Variants in KCNG2 observed in about 807,000 individuals in gnomAD.
The protein encoded by KCNG2 is voltage-gated potassium channel regulatory subunit KCNG2.
Under a neutral mutation model 12.3 loss-of-function variants are expected in KCNG2, and 7 were observed. The observed-to-expected ratio is 0.57, with a 90% CI of 0.32 to 1.07. KCNG2 has a LOEUF of 1.07. KCNG2 is among the 50% of genes least tolerant of loss of function. The pLI is 0.04. For missense variants in KCNG2, 703 were observed against 726.0 expected, an observed-to-expected ratio of 0.97 and a Z score of 0.36; for synonymous variants, 414 against 351.4, an observed-to-expected ratio of 1.18 and a Z score of -1.99.
chr18:79,802,998 G>A (rs2087422917), intron 1 of KCNG2, among the ~76,000 whole-genome samples: 2 of 152,292 alleles, frequency 1.3e-5, no homozygotes, highest in African/African-American at 4.8e-5. Flanking sequence ...GGTCAACATG[G>A]TGAAACCTCA....
At position 79,853,444 on chromosome 18, in the gene KCNG2, G is replaced by A. The variant is rs550940354; in HGVS notation, c.-114-2935G>A. On this transcript the variant is annotated intron_variant, in intron 1 of 3. Transcript: ENST00000316249. Reference sequence around the variant, plus strand: ...GAATGGCTGTGCTGAGGCCTGAGGCGGGACTCGCCTGGGTGCCGAGGGGAG... The same window carrying A: ...GAATGGCTGTGCTGAGGCCTGAGGCAGGACTCGCCTGGGTGCCGAGGGGAG... Among the ~76,000 whole-genome samples, 603 of 152,228 alleles carry A rather than the reference G, an allele frequency of 4.0e-3. 2 individuals carry two copies. The highest frequency in any genetic ancestry group is 6.3e-3 in the Non-Finnish European group (426 of 68,002).
chr18:79,830,195 G>A (rs775000004), intron 1 of KCNG2, among the ~76,000 whole-genome samples: 2 of 152,180 alleles, frequency 1.3e-5, no homozygotes, highest in African/African-American at 2.4e-5. Flanking sequence ...AAGACGAATC[G>A]TGTCCATCTG....
At chr18:79,860,145 A>C (rs1025826461) in intron 2 of KCNG2, among the ~76,000 whole-genome samples, 1 of 152,222 alleles carries the variant, frequency 6.6e-6, no homozygotes, top group African/African-American at 2.4e-5. Context: ...TTAAACGAAC[A>C]GATCTCATTT....
At chr18:79,883,424 T>C (rs1980397208) in intron 3 of KCNG2, among the ~76,000 whole-genome samples, 1 of 152,234 alleles carries the variant, frequency 6.6e-6, no homozygotes, top group African/African-American at 2.4e-5. Context: ...TTGGGCTCAT[T>C]TCTGACGTTC....
At chr18:79,856,146 A>G (rs1340566084) in intron 1 of KCNG2, among the ~76,000 whole-genome samples, 2 of 152,238 alleles carry the variant, frequency 1.3e-5, no homozygotes, top group African/African-American at 4.8e-5. Context: ...TTTTACAGCA[A>G]AAGTTCCAGG....
chr18:79,877,459 G>C (rs1039608939), intron 3 of KCNG2, among the ~76,000 whole-genome samples: 3 of 152,148 alleles, frequency 2.0e-5, no homozygotes, highest in African/African-American at 7.2e-5. Context: ...ACACTAAATA[G>C]ACCTCAGACC....
chr18:79,877,234 C>A (rs1365322533), intron 3 of KCNG2, among the ~76,000 whole-genome samples: 1 of 152,158 alleles, frequency 6.6e-6, no homozygotes, highest in Non-Finnish European at 1.5e-5. Flanking sequence ...TAATTATTTT[C>A]TTTCAGGTAC....
chr18:79,828,481 A>T (rs967752534), intron 1 of KCNG2, among the ~76,000 whole-genome samples: 1 of 145,254 alleles, frequency 6.9e-6, no homozygotes. Flanking sequence ...GTGTGCATGA[A>T]TGTGTGCATA....
chr18:79,883,923 C>G (rs962678821), intron 3 of KCNG2, among the ~76,000 whole-genome samples: 1 of 152,196 alleles, frequency 6.6e-6, no homozygotes, highest in Non-Finnish European at 1.5e-5. Flanking sequence ...CCCACCGGCA[C>G]GTCCACGAGG....
At chr18:79,848,401 C>T (rs1444094441) in intron 1 of KCNG2, among the ~76,000 whole-genome samples, 1 of 152,182 alleles carries the variant, frequency 6.6e-6, no homozygotes, top group Non-Finnish European at 1.5e-5. Flanking sequence ...GAGGGGCCTG[C>T]GTTGCCGCTC....
intron 3 of KCNG2, among the ~76,000 whole-genome samples, chr18:79,890,136 T>C (rs1206165636): frequency 6.6e-6 from 1 of 152,180 alleles, no homozygotes; most frequent in Non-Finnish European, 1.5e-5. Flanking sequence ...TTTTCTTGAA[T>C]CTTTTAACAT....
At chr18:79,871,409 C>T (rs1231668582) in intron 3 of KCNG2, among the ~76,000 whole-genome samples, 5 of 152,206 alleles carry the variant, frequency 3.3e-5, no homozygotes, top group Non-Finnish European at 7.4e-5. Context: ...ACCTGAGCAC[C>T]AGCTGGCAGG....
Position 79,899,543 on chromosome 18 carries a change from C to T in KCNG2, c.1128C>T (p.Val376=), listed in dbSNP as rs745818640. The part of the protein sequence containing the change: ...SMTTVGYGDM[V]PRSLPGQVVA... ...CCACCGTGGGCTACGGCGACATGGT[C>T]CCGCGCAGCCTGCCCGGGCAGGTGG... Residue 376 remains valine (V), a synonymous_variant, in exon 4 of 4, where the codon GTC becomes GTT. Transcript: ENST00000316249. The T allele has an allele frequency of 6.2e-7, 1 of 1,604,518 alleles. No individual in the cohort carries two copies. The highest frequency in any genetic ancestry group is 1.7e-5 in the Admixed American group (1 of 59,150).
At chr18:79,827,472 G>C (rs1396307169) in intron 1 of KCNG2, among the ~76,000 whole-genome samples, 1 of 152,214 alleles carries the variant, frequency 6.6e-6, no homozygotes, top group Non-Finnish European at 1.5e-5. Flanking sequence ...CCTGGGGACT[G>C]GTAGTTTAGC....
chr18:79,899,444 C>A lies in KCNG2; in HGVS notation c.1029C>A (p.Ala343=). 2.5e-6 allele frequency: 4 copies of A among 1,596,606 alleles called. No individual in the cohort carries two copies. The highest frequency in any genetic ancestry group is 3.4e-6 in the Non-Finnish European group (4 of 1,173,960). Residue 343 remains alanine (A), a synonymous_variant, in exon 4 of 4, where the codon GCC becomes GCA. Coordinates refer to ENST00000316249, the MANE Select transcript of KCNG2 (RefSeq NM_012283.2). ...TCTTCGCGCCACTGGTGCACCTGGCCGAGCGCGAGCTGGGCGCGCGCCGCG... is the reference window on the plus strand; with the variant it reads ...TCTTCGCGCCACTGGTGCACCTGGCAGAGCGCGAGCTGGGCGCGCGCCGCG... ...MALFAPLVHL[A]ERELGARRDF...
intron 1 of KCNG2, among the ~76,000 whole-genome samples, chr18:79,835,610 G>A (rs1978319547): frequency 6.6e-6 from 1 of 152,206 alleles, no homozygotes; most frequent in South Asian, 2.1e-4. Context: ...AGGTAGAATG[G>A]TAGAGGGGAA....
chr18:79,880,307 A>C (rs1253834472), intron 3 of KCNG2, among the ~76,000 whole-genome samples: 2 of 117,924 alleles, frequency 1.7e-5, no homozygotes, highest in Admixed American at 1.0e-4. Flanking sequence ...ACAGAGTGAG[A>C]CTCTGTCTCA....
At chr18:79,807,344 G>C (rs545405162) in intron 1 of KCNG2, among the ~76,000 whole-genome samples, 1 of 152,166 alleles carries the variant, frequency 6.6e-6, no homozygotes, top group South Asian at 2.1e-4. Flanking sequence ...TCACCTTGCC[G>C]ACGCTCTCTG....
rs555887305 is a variant in KCNG2 at position 79,856,709 on chromosome 18, A to G, written c.-41+257A>G. 3.9e-5 allele frequency among the ~76,000 whole-genome samples: 6 copies of G among 152,180 alleles called. No homozygotes were observed. In the East Asian group the frequency reaches 1.2e-3, roughly 29 times the overall value. The stretch of plus-strand genomic sequence containing the variant: ...CTCACGGGGCCGTCTGCCACGCCAC[A>G]AAGGGCTCCAGCAGCTGGGTTTGCA... On this transcript the variant is annotated intron_variant, in intron 2 of 3. Coordinates refer to ENST00000316249, the MANE Select transcript of KCNG2 (RefSeq NM_012283.2).
Sources: gnomAD v4.1 joint callset for allele counts (sites outside exome capture counted in the v4.1 genomes callset) on GRCh38, gnomAD v4.1.1 for gene constraint, MANE v1.5 for transcripts, NCBI Gene and HGNC (gene_info 2026-07-23, HGNC 2026-07-21) for gene names.